BICDL1: variants seen among roughly 807,000 people sequenced by gnomAD.
The protein encoded by BICDL1 is BICD family-like cargo adapter 1.
A neutral mutation model predicts 76.8 loss-of-function variants in BICDL1; 20 were observed. That is an observed-to-expected ratio of 0.26 (90% CI 0.18 to 0.38). The LOEUF is 0.38. Ranked by LOEUF, BICDL1 falls within the 10% of genes least tolerant of loss-of-function variation. The pLI is 1.00. For synonymous variants in BICDL1, 383 were observed against 337.1 expected (o/e 1.14, Z -1.49); for missense variants, 700 against 798.6 (o/e 0.88, Z 1.49).
intron 2 of BICDL1, among the ~76,000 whole-genome samples, chr12:120,058,772 G>A (rs1327378596): frequency 6.6e-6 from 1 of 151,822 alleles, no homozygotes; most frequent in African/African-American, 2.4e-5. Context: ...TGTATTTTTA[G>A]TAGAGACTGG....
intron 2 of BICDL1, among the ~76,000 whole-genome samples, chr12:120,057,818 C>CTTTTTTT (rs143777152): frequency 5.1e-5 from 4 of 78,322 alleles, no homozygotes; most frequent in African/African-American, 1.3e-4. Context: ...GCGATTCCTG[C>CTTTTTTT]TTTTTTTTTT....
At chr12:120,074,631 C>T in intron 7 of BICDL1, 45 bp downstream of exon 7, 3 of 1,047,358 alleles carry the variant, frequency 2.9e-6, no homozygotes, top group Non-Finnish European at 3.5e-6. Context: ...TGTGCACCTG[C>T]CCCTGGCTCT....
At chr12:120,027,570 A>C (rs930176771) in intron 2 of BICDL1, among the ~76,000 whole-genome samples, 2 of 152,180 alleles carry the variant, frequency 1.3e-5, no homozygotes, top group Non-Finnish European at 2.9e-5. Context: ...TGATTTGCCC[A>C]AAGTTGATCA....
intron 2 of BICDL1, among the ~76,000 whole-genome samples, chr12:120,015,411 C>A (rs1952040659): frequency 6.6e-6 from 1 of 152,192 alleles, no homozygotes; most frequent in Non-Finnish European, 1.5e-5. Context: ...GGAATTTCCC[C>A]CAGTCCTGAA....
At chr12:120,012,634 AATG>A (rs1320049069) in intron 2 of BICDL1, among the ~76,000 whole-genome samples, 4 of 152,208 alleles carry the variant, frequency 2.6e-5, no homozygotes, top group African/African-American at 9.6e-5. Context: ...CCTTTACATT[AATG>A]ATAAGATCTA....
intron 7 of BICDL1, among the ~76,000 whole-genome samples, chr12:120,077,764 TCAC>T (rs1404910676): frequency 1.3e-5 from 2 of 152,164 alleles, no homozygotes; most frequent in African/African-American, 4.8e-5. Context: ...CTGGCTATGG[TCAC>T]CACTTCCCAA....
chr12:120,008,625 A>G (rs1374153298), intron 2 of BICDL1, among the ~76,000 whole-genome samples: 1 of 152,026 alleles, frequency 6.6e-6, no homozygotes, highest in Non-Finnish European at 1.5e-5. Context: ...CTTCATATGT[A>G]TTTCTATCTC....
intron 6 of BICDL1, among the ~76,000 whole-genome samples, chr12:120,074,191 G>T (rs915059505): frequency 1.3e-5 from 2 of 152,080 alleles, no homozygotes; most frequent in African/African-American, 4.8e-5. Flanking sequence ...GGATTACAGC[G>T]TGAGCCACTG....
chr12:120,019,507 T>G (rs561635157), intron 2 of BICDL1, among the ~76,000 whole-genome samples: 1 of 152,264 alleles, frequency 6.6e-6, no homozygotes, highest in Non-Finnish European at 1.5e-5. Flanking sequence ...AAATAGAAAA[T>G]TTAATATTTT....
chr12:120,090,701 C>G lies in BICDL1; in HGVS notation c.1704+630C>G, dbSNP rs1490034025. ...TTCTCCCCAAGAATTCTCATCCAGA[C>G]AGATGAAAAGCCGTCTGTGGCTTTA... On this transcript the variant is annotated intron_variant, in intron 9 of 9. Transcript: ENST00000548673. 3.8e-5 allele frequency: 14 copies of G among 370,228 alleles called. No homozygotes were observed. The East Asian group carries it at 1.0e-3, about 27-fold the overall frequency. The allele number at this position is 370,228 out of a possible 1,614,324, so 22.9% of individuals were successfully genotyped here.
In BICDL1 at chr12:120,082,728, C is replaced by T. The variant is rs59159411; in HGVS notation, c.1583+1711C>T. ...CTCCCAAGTAGCTGTGCCACCATGC[C>T]GGGCAGATTTTTGTATTTTTTGTAG... On this transcript the variant is annotated intron_variant, in intron 8 of 9. Coordinates refer to ENST00000548673, the MANE Select transcript of BICDL1 (RefSeq NM_001367886.1). Among the ~76,000 whole-genome samples the T allele has an allele frequency of 5.9e-3, 895 of 151,440 alleles. 9 individuals are homozygous for T. Among genetic ancestry groups the T allele is most frequent in the African/African-American group, 0.02 (817 of 41,272 alleles).
At chr12:120,026,793 C>T (rs1952312557) in intron 2 of BICDL1, among the ~76,000 whole-genome samples, 1 of 152,124 alleles carries the variant, frequency 6.6e-6, no homozygotes, top group African/African-American at 2.4e-5. Context: ...TCTTTACTGC[C>T]TCTGTGGATG....
intron 8 of BICDL1, among the ~76,000 whole-genome samples, chr12:120,082,648 T>C (rs1377866402): frequency 6.6e-6 from 1 of 152,068 alleles, no homozygotes; most frequent in African/African-American, 2.4e-5. Flanking sequence ...AGTGACACAA[T>C]CATAGCTCAC....
At chr12:119,998,881 C>T in intron 2 of BICDL1, 145 bp downstream of exon 2, 1 of 714,168 alleles carries the variant, frequency 1.4e-6, no homozygotes, top group East Asian at 2.8e-5. Context: ...ACAGGGAGAC[C>T]TCATCTCTAC....
Position 119,989,652 on chromosome 12 carries a change from C to T in BICDL1, c.-217C>T, listed in dbSNP as rs1219956431. Among the ~76,000 whole-genome samples, 1 of 148,338 alleles carries T rather than the reference C, an allele frequency of 6.7e-6. No homozygotes were observed. The highest frequency in any genetic ancestry group is 2.0e-4 in the East Asian group (1 of 5,000). ...CCCCCTCCTCCCGCGCGCGCCTGAG[C>T]AGCTGAGCCCGGGGGCGGGGGAGGG... On this transcript the variant is annotated 5_prime_UTR_variant, in exon 1 of 10. Transcript: ENST00000548673.
At chr12:120,039,762 G>A (rs1444534750) in intron 2 of BICDL1, among the ~76,000 whole-genome samples, 2 of 152,128 alleles carry the variant, frequency 1.3e-5, no homozygotes, top group Admixed American at 6.5e-5. Flanking sequence ...TTCTGGCCTG[G>A]AGGAGGAGTT....
chr12:120,024,579 A>T (rs915075878), intron 2 of BICDL1, among the ~76,000 whole-genome samples: 1 of 152,214 alleles, frequency 6.6e-6, no homozygotes, highest in African/African-American at 2.4e-5. Context: ...AAACACAAGA[A>T]ACATGAAGAA....
chr12:120,059,466 G>A (rs1953056231), intron 2 of BICDL1, among the ~76,000 whole-genome samples: 1 of 152,056 alleles, frequency 6.6e-6, no homozygotes, highest in Admixed American at 6.5e-5. Context: ...AGTAGACACG[G>A]GGTTTCACCA....
intron 2 of BICDL1, among the ~76,000 whole-genome samples, chr12:120,056,737 GAGAA>G (rs1952982573): frequency 6.6e-6 from 1 of 152,090 alleles, no homozygotes; most frequent in Non-Finnish European, 1.5e-5. Flanking sequence ...AAAAGTGAAA[GAGAA>G]AGAGTGAAAG....
Sources: gnomAD v4.1 joint callset for allele counts (sites outside exome capture counted in the v4.1 genomes callset) on GRCh38, gnomAD v4.1.1 for gene constraint, MANE v1.5 for transcripts, NCBI Gene and HGNC (gene_info 2026-07-23, HGNC 2026-07-21) for gene names.